The following EXOC6B variants were observed in gnomAD, a reference collection of about 807,000 sequenced individuals.
EXOC6B encodes the protein SEC15 homolog B.
EXOC6B carries 54 observed loss-of-function variants against 113.5 expected under a neutral mutation model. That is an observed-to-expected ratio of 0.48 (90% confidence interval 0.38 to 0.60). The LOEUF (loss-of-function observed/expected upper bound fraction) is 0.60. Among genes scored for constraint, EXOC6B ranks in the 20% least tolerant of loss-of-function variants. The pLI is 0.00. For synonymous variants in EXOC6B, 357 were observed against 339.0 expected (o/e 1.05, Z -0.58); for missense variants, 797 against 977.5 (o/e 0.82, Z 2.46).
At chr2:72,433,601 C>A (rs977049467) in intron 18 of EXOC6B, among the ~76,000 whole-genome samples, 6 of 152,126 alleles carry the variant, frequency 3.9e-5, no homozygotes, top group Non-Finnish European at 8.8e-5. Flanking sequence ...GTTTGTAGTT[C>A]TCCTTGAAGA....
At chr2:72,280,394 T>G (rs559670293) in intron 20 of EXOC6B, among the ~76,000 whole-genome samples, 2 of 152,272 alleles carry the variant, frequency 1.3e-5, no homozygotes, top group South Asian at 4.1e-4. Flanking sequence ...ATGTTAGAAT[T>G]AAGCAAAAAG....
intron 1 of EXOC6B, among the ~76,000 whole-genome samples, chr2:72,751,626 A>G (rs1682050010): frequency 6.6e-6 from 1 of 152,198 alleles, no homozygotes; most frequent in South Asian, 2.1e-4. Context: ...TAGAACTTTT[A>G]GAATAAAAAC....
intron 20 of EXOC6B, among the ~76,000 whole-genome samples, chr2:72,294,524 T>C (rs921168045): frequency 1.3e-5 from 2 of 152,152 alleles, no homozygotes; most frequent in Non-Finnish European, 2.9e-5. Context: ...TCTTTTAACA[T>C]TTCAGAGTCA....
chr2:72,264,066 G>A (rs1324654565), intron 20 of EXOC6B, among the ~76,000 whole-genome samples: 1 of 152,130 alleles, frequency 6.6e-6, no homozygotes, highest in East Asian at 1.9e-4. Context: ...CTACACCTAA[G>A]TGTATAAAAA....
chr2:72,672,562 A>G (rs1675976560), intron 6 of EXOC6B, among the ~76,000 whole-genome samples: 1 of 149,622 alleles, frequency 6.7e-6, no homozygotes, highest in South Asian at 2.1e-4. Context: ...AAAAAAAAAA[A>G]AAGAAAAAGA....
chr2:72,793,740 G>A (rs1369560575), intron 1 of EXOC6B, among the ~76,000 whole-genome samples: 2 of 152,130 alleles, frequency 1.3e-5, no homozygotes, highest in Non-Finnish European at 2.9e-5. Context: ...CAGGAAAAAC[G>A]ATTAAAGGGG....
intron 6 of EXOC6B, among the ~76,000 whole-genome samples, chr2:72,705,734 C>T (rs1573656994): frequency 6.6e-6 from 1 of 152,146 alleles, no homozygotes; most frequent in Non-Finnish European, 1.5e-5. Context: ...CACACACACA[C>T]CCAATAAAAA....
intron 19 of EXOC6B, among the ~76,000 whole-genome samples, chr2:72,336,004 G>A (rs1057360049): frequency 2.0e-5 from 3 of 151,270 alleles, no homozygotes; most frequent in African/African-American, 7.3e-5. Flanking sequence ...AAATCAAAAG[G>A]TCTTAAGTTC....
At chr2:72,434,314 T>G (rs1695722640) in intron 18 of EXOC6B, among the ~76,000 whole-genome samples, 1 of 152,230 alleles carries the variant, frequency 6.6e-6, no homozygotes, top group Non-Finnish European at 1.5e-5. Context: ...GCCAGTATTT[T>G]ATTGAGGATT....
chr2:72,218,726 G>A (rs190555899), intron 20 of EXOC6B, among the ~76,000 whole-genome samples: 4 of 152,006 alleles, frequency 2.6e-5, no homozygotes, highest in East Asian at 3.9e-4. Flanking sequence ...GTGCAGTGGC[G>A]ATCTAGGCTC....
At chr2:72,797,362 T>A (rs975842971) in intron 1 of EXOC6B, among the ~76,000 whole-genome samples, 9 of 152,214 alleles carry the variant, frequency 5.9e-5, no homozygotes, top group Non-Finnish European at 1.0e-4. Flanking sequence ...GCTAAAGAAC[T>A]TCCTATTTTT....
chr2:72,401,887 C>G (rs935058586), intron 18 of EXOC6B, among the ~76,000 whole-genome samples: 1 of 149,922 alleles, frequency 6.7e-6, no homozygotes, highest in African/African-American at 2.4e-5. Context: ...ATTATAGCAT[C>G]AATAATATTG....
intron 18 of EXOC6B, among the ~76,000 whole-genome samples, chr2:72,422,132 G>T (rs1440450602): frequency 2.0e-5 from 3 of 152,186 alleles, no homozygotes; most frequent in Non-Finnish European, 4.4e-5. Flanking sequence ...GCCCCGTGCG[G>T]CCCGAGCCTC....
chr2:72,420,960 T>G (rs576464566), intron 18 of EXOC6B, among the ~76,000 whole-genome samples: 1 of 152,352 alleles, frequency 6.6e-6, no homozygotes, highest in Non-Finnish European at 1.5e-5. Context: ...CTCATTGTGG[T>G]TTTGATTTGC....
At chr2:72,531,881 G>A (rs565764805) in intron 8 of EXOC6B, among the ~76,000 whole-genome samples, 2 of 152,050 alleles carry the variant, frequency 1.3e-5, no homozygotes, top group East Asian at 3.9e-4. Flanking sequence ...CTACTCGGGA[G>A]GGCTGAGGCA....
chr2:72,351,952 A>C (rs1053383259), intron 19 of EXOC6B, among the ~76,000 whole-genome samples: 2 of 152,134 alleles, frequency 1.3e-5, no homozygotes, highest in Admixed American at 1.3e-4. Context: ...AACTAGTTTT[A>C]GTCCTCTAAT....
At chr2:72,778,933 G>A (rs1683871886) in intron 1 of EXOC6B, among the ~76,000 whole-genome samples, 1 of 152,114 alleles carries the variant, frequency 6.6e-6, no homozygotes, top group East Asian at 1.9e-4. Flanking sequence ...ACACATGCAT[G>A]TACCTGTCTG....
chr2:72,188,105 G>A (rs1678566431), intron 20 of EXOC6B, among the ~76,000 whole-genome samples: 1 of 152,110 alleles, frequency 6.6e-6, no homozygotes, highest in Non-Finnish European at 1.5e-5. Flanking sequence ...GCCCAGGTCT[G>A]CAGCTGTGGT....
rs192004200 is a variant in EXOC6B, at chr2:72,532,074, A to T, written c.916-16948T>A. Reference sequence around the variant, plus strand: ...AGCGGAAACAGCCCAATGTTCTTCAATATTTATAAAATGAAATATCACCCC... The same window carrying T: ...AGCGGAAACAGCCCAATGTTCTTCATTATTTATAAAATGAAATATCACCCC... On this transcript the variant is annotated intron_variant, in intron 8 of 21. Coordinates refer to ENST00000272427, the MANE Select transcript of EXOC6B (RefSeq NM_015189.3). Among the ~76,000 whole-genome samples, 337 of 152,356 alleles carry T rather than the reference A, an allele frequency of 2.2e-3. 4 individuals carry two copies. Among genetic ancestry groups the T allele is most frequent in the East Asian group, 3.1e-3 (16 of 5,188 alleles).
Sources: allele counts gnomAD v4.1 joint callset (sites outside exome capture counted in the v4.1 genomes callset), GRCh38; gene constraint gnomAD v4.1.1; transcripts MANE v1.5; gene names NCBI Gene and HGNC (gene_info 2026-07-23, HGNC 2026-07-21).